Variants in GNAI3 observed in about 807,000 individuals in gnomAD.
The protein encoded by GNAI3 is guanine nucleotide-binding protein G(i) subunit alpha-3.
GNAI3 carries 12 observed loss-of-function variants against 41.8 expected under a neutral mutation model. The ratio of observed to expected loss-of-function variants is 0.29; its 90% CI spans 0.18 to 0.47. The LOEUF is 0.47. Among genes scored for constraint, GNAI3 ranks in the 20% least tolerant of loss-of-function variants. GNAI3 has a pLI of 1.00. For missense variants in GNAI3, 360 were observed against 429.6 expected, an observed-to-expected ratio of 0.84 and a Z score of 1.43; for synonymous variants, 132 against 146.5, an observed-to-expected ratio of 0.90 and a Z score of 0.71.
intron 1 of GNAI3, among the ~76,000 whole-genome samples, chr1:109,570,237 C>G (rs954518560): frequency 1.3e-5 from 2 of 151,976 alleles, no homozygotes; most frequent in Admixed American, 6.6e-5. Context: ...ATAAATGTAC[C>G]TTTTGATTCT....
chr1:109,559,292 A>G (rs1648247779), intron 1 of GNAI3, among the ~76,000 whole-genome samples: 1 of 152,240 alleles, frequency 6.6e-6, no homozygotes, highest in African/African-American at 2.4e-5. Context: ...CCAATAAAAT[A>G]TAGTAGACTA....
intron 7 of GNAI3, among the ~76,000 whole-genome samples, chr1:109,590,276 A>C (rs141780367): frequency 2.6e-4 from 40 of 152,320 alleles, no homozygotes; most frequent in African/African-American, 8.7e-4. Flanking sequence ...AATTGGCATT[A>C]ATGTTGAAGG....
intron 4 of GNAI3, among the ~76,000 whole-genome samples, chr1:109,580,126 C>T (rs1387762257): frequency 7.2e-5 from 11 of 152,158 alleles, no homozygotes. Flanking sequence ...CTCAGCCTCC[C>T]AAGTAACTGG....
In GNAI3 at chr1:109,594,383, CTA is replaced by C. The variant is rs930211799; in HGVS notation, c.*2063_*2064del. On this transcript the variant is annotated 3_prime_UTR_variant, in exon 9 of 9. Coordinates refer to ENST00000369851, the MANE Select transcript of GNAI3 (RefSeq NM_006496.4). ...TGAATTTGTATTTTCATTTGAATAT[CTA>C]TCTGATATGTTAAATTTTTAGCCCT... The C allele has an allele frequency of 2.0e-5, 3 of 152,158 alleles. No individual in the cohort carries two copies. Among genetic ancestry groups the C allele is most frequent in the African/African-American group, 7.2e-5 (3 of 41,432 alleles). 9.4% of individuals were successfully genotyped at this position (152,158 alleles called of 1,614,324 possible). A position where few individuals can be genotyped will look rare whatever the true frequency, so the allele number is the denominator to read the frequency against.
Position 109,595,434 on chromosome 1 carries a change from A to G in GNAI3, c.*3112A>G, listed in dbSNP as rs1159749900. ...TACTGATGGATCGTTATTTTTCACAAGGTACTACATTCTTACAATGTAAGA... is the reference window on the plus strand; with the variant it reads ...TACTGATGGATCGTTATTTTTCACAGGGTACTACATTCTTACAATGTAAGA... On this transcript the variant is annotated 3_prime_UTR_variant, in exon 9 of 9. Transcript: ENST00000369851. The G allele has an allele frequency of 6.6e-6, 1 of 152,192 alleles. No individual in the cohort carries two copies. Among genetic ancestry groups the G allele is most frequent in the Non-Finnish European group, 1.5e-5 (1 of 68,044 alleles). The allele number at this position is 152,192 out of a possible 1,614,324, so 9.4% of individuals were successfully genotyped here.
In GNAI3 at chr1:109,593,690, G is replaced by T. The variant is rs1649225121; in HGVS notation, c.*1368G>T. 1 of 147,062 alleles carries T rather than the reference G, an allele frequency of 6.8e-6. No individual in the cohort carries two copies. The highest frequency in any genetic ancestry group is 6.8e-5 in the Admixed American group (1 of 14,752). The allele number at this position is 147,062 out of a possible 1,614,324, so 9.1% of individuals were successfully genotyped here. Reference sequence around the variant, plus strand: ...GAACCTTAGGTTTTATGTTATATCTGCATATGAGTGATATGTGATCATGAT... The same window carrying T: ...GAACCTTAGGTTTTATGTTATATCTTCATATGAGTGATATGTGATCATGAT... On this transcript the variant is annotated 3_prime_UTR_variant, in exon 9 of 9. Transcript: ENST00000369851.
In GNAI3 at chr1:109,597,630, A is replaced by G. The variant is rs1649340338; in HGVS notation, c.*5308A>G. On this transcript the variant is annotated 3_prime_UTR_variant, in exon 9 of 9. Transcript: ENST00000369851. ...AAATTATTGAAAACTGTTGGGTCAC[A>G]TAACATTCCTACACTTTGGATACAG... The G allele has an allele frequency of 6.6e-6, 1 of 152,186 alleles. No individual in the cohort carries two copies. Among genetic ancestry groups the G allele is most frequent in the Non-Finnish European group, 1.5e-5 (1 of 68,032 alleles). The allele number at this position is 152,186 out of a possible 1,614,324, so 9.4% of individuals were successfully genotyped here.
chr1:109,574,067 C>T (rs371288699), intron 3 of GNAI3, 30 bp downstream of exon 3: 1 of 1,567,186 alleles, frequency 6.4e-7, no homozygotes, highest in Non-Finnish European at 8.7e-7. Flanking sequence ...TCTTCACTTG[C>T]TCTTATTCAG....
intron 1 of GNAI3, among the ~76,000 whole-genome samples, chr1:109,572,145 A>G (rs1392674381): frequency 6.6e-6 from 1 of 151,838 alleles, no homozygotes; most frequent in Non-Finnish European, 1.5e-5. Flanking sequence ...CCCTGTCTCT[A>G]CTAAAAATAC....
chr1:109,578,962 G>A (rs1252766063), intron 3 of GNAI3, among the ~76,000 whole-genome samples: 1 of 152,186 alleles, frequency 6.6e-6, no homozygotes, highest in Admixed American at 6.5e-5. Context: ...GGATGGTGGT[G>A]TGTGGAGGAG....
At position 109,586,216 on chromosome 1, in the gene GNAI3, G is replaced by A. The variant is rs761968376; in HGVS notation, c.591G>A (p.Lys197=). ...THFTFKDLYF[K]MFDVGGQRSE... Reference sequence around the variant, plus strand: ...ATTTGCTTTCTTTCCCCTTGCGCAGGATGTTTGATGTAGGTGGCCAAAGAT... The same window carrying A: ...ATTTGCTTTCTTTCCCCTTGCGCAGAATGTTTGATGTAGGTGGCCAAAGAT... The change falls in exon 6 of 9, where the codon AAG becomes AAA. Residue 197 remains lysine (K), a splice_region_variant and synonymous_variant. Coordinates refer to ENST00000369851, the MANE Select transcript of GNAI3 (RefSeq NM_006496.4). The A allele has an allele frequency of 1.1e-5, 17 of 1,613,134 alleles. No homozygotes were observed. The South Asian group carries it at 1.8e-4, about 17-fold the overall frequency.
At chr1:109,560,287 A>G (rs1179348458) in intron 1 of GNAI3, among the ~76,000 whole-genome samples, 2 of 152,200 alleles carry the variant, frequency 1.3e-5, no homozygotes, top group Non-Finnish European at 2.9e-5. Flanking sequence ...TGTTTCTTGA[A>G]TAATGTTAGT....
intron 1 of GNAI3, among the ~76,000 whole-genome samples, chr1:109,562,860 A>G (rs554234161): frequency 2.1e-4 from 32 of 152,326 alleles, no homozygotes; most frequent in Non-Finnish European, 3.5e-4. Context: ...ATGATTTAGC[A>G]TTGCAATTAA....
chr1:109,592,254 A>G lies in GNAI3; in HGVS notation c.*21A>G. ...ATTGAGAAGCATGGATGTTAGTGAA[A>G]GGTAAAGTTTCATACAAGGTAGTTA... On this transcript the variant is annotated splice_region_variant and 3_prime_UTR_variant, in exon 8 of 9. Transcript: ENST00000369851. 1 of 1,538,938 alleles carries G rather than the reference A, an allele frequency of 6.5e-7. No individual in the cohort carries two copies. Among genetic ancestry groups the G allele is most frequent in the South Asian group, 1.1e-5 (1 of 89,264 alleles).
chr1:109,554,533 AT>A (rs1272558279), intron 1 of GNAI3, among the ~76,000 whole-genome samples: 2 of 152,078 alleles, frequency 1.3e-5, no homozygotes, highest in Non-Finnish European at 2.9e-5. Flanking sequence ...AGAATTGTCT[AT>A]TCAAGTCCTT....
intron 7 of GNAI3, among the ~76,000 whole-genome samples, chr1:109,591,054 G>A (rs1007854026): frequency 6.6e-6 from 1 of 152,178 alleles, no homozygotes; most frequent in Non-Finnish European, 1.5e-5. Flanking sequence ...AGACAAGATG[G>A]TGTAAAAAGC....
At chr1:109,554,987 C>T (rs1462033930) in intron 1 of GNAI3, among the ~76,000 whole-genome samples, 5 of 152,140 alleles carry the variant, frequency 3.3e-5, no homozygotes. Context: ...AGGTGAAACA[C>T]CTCTACAAGG....
chr1:109,559,689 G>T (rs548943244), intron 1 of GNAI3, among the ~76,000 whole-genome samples: 2 of 152,226 alleles, frequency 1.3e-5, no homozygotes, highest in East Asian at 3.9e-4. Context: ...AAAATACAAA[G>T]AAATCACTCA....
chr1:109,582,426 C>G lies in GNAI3; in HGVS notation c.462-11C>G, dbSNP rs1648919290. 1.2e-6 allele frequency: 2 copies of G among 1,602,460 alleles called. No homozygotes were observed. The highest frequency in any genetic ancestry group is 1.3e-5 in the African/African-American group (1 of 74,814). On this transcript the variant is annotated splice_polypyrimidine_tract_variant and intron_variant, in intron 4 of 8. Transcript: ENST00000369851. ...CTTCACCAAGTAAAAGTAAACGTGT[C>G]TTTTATTTAGTTATCTAAATGATCT...
Sources: allele counts gnomAD v4.1 joint callset (sites outside exome capture counted in the v4.1 genomes callset), GRCh38; gene constraint gnomAD v4.1.1; transcripts MANE v1.5; gene names NCBI Gene and HGNC (gene_info 2026-07-23, HGNC 2026-07-21).